ZBTB8A: variants seen among roughly 807,000 people sequenced by gnomAD.
ZBTB8A encodes the protein zinc finger and BTB domain-containing protein 8A.
In ZBTB8A, 19 loss-of-function variants were observed where a neutral mutation model predicts 37.8. The observed-to-expected ratio is 0.50, with a 90% CI of 0.35 to 0.74. ZBTB8A has a LOEUF of 0.74. ZBTB8A is among the 30% of genes least tolerant of loss of function. ZBTB8A has a pLI of 0.01. For synonymous variants in ZBTB8A, 181 were observed against 185.2 expected (o/e 0.98, Z 0.19); for missense variants, 394 against 537.8 (o/e 0.73, Z 2.65).
chr1:32,571,581 AT>A (rs200795067), intron 2 of ZBTB8A, among the ~76,000 whole-genome samples: 70 of 148,324 alleles, frequency 4.7e-4, no homozygotes, highest in African/African-American at 1.5e-3. Context: ...TACAAATATA[AT>A]TTTTTTTTTT....
chr1:32,554,771 A>G (rs1011220097), intron 2 of ZBTB8A, among the ~76,000 whole-genome samples: 11 of 151,858 alleles, frequency 7.2e-5, no homozygotes, highest in Non-Finnish European at 1.3e-4. Flanking sequence ...GAGCCACCGC[A>G]CCCGGCTTTA....
rs181351073 is a variant in ZBTB8A at position 32,580,678 on chromosome 1, C to T, written c.-1-12253C>T. ...AGGCCGTTTGTCAGTACCCACTTAA[C>T]AACTGGACTTCTAGGAATCAAATTA... On this transcript the variant is annotated intron_variant, in intron 2 of 4. Transcript: ENST00000373510. 5.3e-5 allele frequency among the ~76,000 whole-genome samples: 8 copies of T among 152,214 alleles called. No individual in the cohort carries two copies. The East Asian group carries it at 5.8e-4, about 11-fold the overall frequency.
At chr1:32,575,776 C>G (rs1349892713) in intron 2 of ZBTB8A, among the ~76,000 whole-genome samples, 5 of 151,996 alleles carry the variant, frequency 3.3e-5, no homozygotes, top group Non-Finnish European at 7.4e-5. Flanking sequence ...CACTTGAGGC[C>G]AGGAGTTCAA....
At position 32,605,175 on chromosome 1, in the gene ZBTB8A, G is replaced by A. The variant is rs1224443029; in HGVS notation, c.*4756G>A. 1 of 142,804 alleles carries A rather than the reference G, an allele frequency of 7.0e-6. No individual in the cohort carries two copies. Among genetic ancestry groups the A allele is most frequent in the African/African-American group, 2.6e-5 (1 of 37,904 alleles). The allele number at this position is 142,804 out of a possible 1,614,324, so 8.8% of individuals were successfully genotyped here. A position where few individuals can be genotyped will look rare whatever the true frequency, so the allele number is the denominator to read the frequency against. On this transcript the variant is annotated 3_prime_UTR_variant, in exon 5 of 5. Transcript: ENST00000373510. ...AAAAAAAAAAAAAAAAAAAAAAGAT[G>A]TGTTTAACTGGGAAGGGTGATAATA...
intron 1 of ZBTB8A, among the ~76,000 whole-genome samples, chr1:32,551,109 T>C (rs1323275240): frequency 6.6e-6 from 1 of 152,122 alleles, no homozygotes; most frequent in African/African-American, 2.4e-5. Flanking sequence ...TAGGGCTAGG[T>C]GACAGATGAG....
At chr1:32,556,754 C>G (rs1644206005) in intron 2 of ZBTB8A, among the ~76,000 whole-genome samples, 1 of 151,476 alleles carries the variant, frequency 6.6e-6, no homozygotes, top group Non-Finnish European at 1.5e-5. Context: ...GCGGGCACCT[C>G]TAGTCCCAGC....
intron 2 of ZBTB8A, among the ~76,000 whole-genome samples, chr1:32,570,439 T>G (rs188938611): frequency 2.6e-5 from 4 of 152,342 alleles, no homozygotes; most frequent in African/African-American, 9.6e-5. Flanking sequence ...GCTTGATACT[T>G]TCTACAGAGA....
chr1:32,575,226 CTTTT>C (rs778765276), intron 2 of ZBTB8A, among the ~76,000 whole-genome samples: 1 of 101,018 alleles, frequency 9.9e-6, no homozygotes, highest in Admixed American at 1.0e-4. Context: ...CTTTTCTTTC[CTTTT>C]TTTTTTTTTT....
Position 32,604,704 on chromosome 1 carries a change from A to C in ZBTB8A, c.*4285A>C, listed in dbSNP as rs914830603. On this transcript the variant is annotated 3_prime_UTR_variant, in exon 5 of 5. Coordinates refer to ENST00000373510, the MANE Select transcript of ZBTB8A (RefSeq NM_001040441.3). ...ATGGATGAAAGAAGTTTGGTGCTTC[A>C]ATTATTTATGAGCTCAGAACTCAAT... The C allele has an allele frequency of 1.3e-5, 2 of 152,188 alleles. No homozygotes were observed. Among genetic ancestry groups the C allele is most frequent in the African/African-American group, 4.8e-5 (2 of 41,432 alleles). 9.4% of individuals were successfully genotyped at this position (152,188 alleles called of 1,614,324 possible).
At chr1:32,561,397 A>G (rs973248034) in intron 2 of ZBTB8A, among the ~76,000 whole-genome samples, 2 of 152,094 alleles carry the variant, frequency 1.3e-5, no homozygotes, top group Admixed American at 6.6e-5. Context: ...ACGTGTTGAC[A>G]GCGCCATGCT....
intron 1 of ZBTB8A, among the ~76,000 whole-genome samples, chr1:32,551,086 C>T (rs569162292): frequency 6.6e-6 from 1 of 152,116 alleles, no homozygotes; most frequent in Non-Finnish European, 1.5e-5. Context: ...CTCTGAATGC[C>T]CTTCTAACTC....
At chr1:32,539,653 C>T (rs1043807016) in intron 1 of ZBTB8A, 81 bp downstream of exon 1, 11 of 37,072 alleles carry the variant, frequency 3.0e-4, no homozygotes, top group African/African-American at 4.8e-4. Context: ...TGGCCGCGGG[C>T]TCTGACGGCC....
chr1:32,602,690 T>TA lies in ZBTB8A; in HGVS notation c.*2272dup, dbSNP rs1317452271. 6.6e-6 allele frequency: 1 copy of TA among 151,208 alleles called. No individual in the cohort carries two copies. The allele number at this position is 151,208 out of a possible 1,614,324, so 9.4% of individuals were successfully genotyped here. A position where few individuals can be genotyped will look rare whatever the true frequency, so the allele number is the denominator to read the frequency against. ...CTCAGCCTCCCGAGTAGCTGGGACTTACAGGCGCCCACCACCACTCCCAGC... is the reference window on the plus strand; with the variant it reads ...CTCAGCCTCCCGAGTAGCTGGGACTTAACAGGCGCCCACCACCACTCCCAGC... On this transcript the variant is annotated 3_prime_UTR_variant, in exon 5 of 5. Transcript: ENST00000373510.
intron 3 of ZBTB8A, 118 bp from the exon 4 acceptor site, chr1:32,594,936 C>CT (rs915861797): frequency 8.1e-4 from 868 of 1,075,924 alleles, no homozygotes; most frequent in Middle Eastern, 1.9e-3. Flanking sequence ...CTTTTTATTT[C>CT]TTTTTTTTTA....
At chr1:32,599,648 C>T (rs374909587) in intron 4 of ZBTB8A, among the ~76,000 whole-genome samples, 9 of 152,016 alleles carry the variant, frequency 5.9e-5, no homozygotes, top group Middle Eastern at 3.4e-3. Flanking sequence ...ACCCCGGAGG[C>T]GGAGGTTGCA....
intron 3 of ZBTB8A, among the ~76,000 whole-genome samples, chr1:32,594,369 G>A (rs536646542): frequency 6.6e-6 from 1 of 151,856 alleles, no homozygotes; most frequent in Admixed American, 6.6e-5. Flanking sequence ...AATGTTTAAA[G>A]CTCTTTTCTA....
chr1:32,586,905 T>C (rs1644453605), intron 2 of ZBTB8A, among the ~76,000 whole-genome samples: 1 of 152,144 alleles, frequency 6.6e-6, no homozygotes, highest in Admixed American at 6.5e-5. Flanking sequence ...AGGATCACTG[T>C]GGCTGCTGTA....
At chr1:32,550,731 G>T (rs1644146140) in intron 1 of ZBTB8A, among the ~76,000 whole-genome samples, 2 of 152,138 alleles carry the variant, frequency 1.3e-5, no homozygotes, top group African/African-American at 4.8e-5. Flanking sequence ...GGCCGAGGCA[G>T]GCGGATCACA....
intron 1 of ZBTB8A, among the ~76,000 whole-genome samples, chr1:32,548,742 A>G (rs1215640214): frequency 6.6e-6 from 1 of 152,206 alleles, no homozygotes; most frequent in African/African-American, 2.4e-5. Context: ...AATAATAATA[A>G]TAATAGCTGA....
Sources: allele counts gnomAD v4.1 joint callset (sites outside exome capture counted in the v4.1 genomes callset), GRCh38; gene constraint gnomAD v4.1.1; transcripts MANE v1.5; gene names NCBI Gene and HGNC (gene_info 2026-07-23, HGNC 2026-07-21).